The following MRPS9 variants were observed in gnomAD, a reference collection of about 807,000 sequenced individuals.
The protein encoded by MRPS9 is mitochondrial ribosomal protein S9, also known as small ribosomal subunit protein uS9m.
MRPS9 carries 45 observed loss-of-function variants against 59.9 expected under a neutral mutation model. The ratio of observed to expected loss-of-function variants is 0.75; its 90% confidence interval spans 0.59 to 0.96. MRPS9 has a LOEUF of 0.96. MRPS9 is among the 40% of genes least tolerant of loss of function. The pLI is 0.00. For synonymous variants in MRPS9, 171 were observed against 166.8 expected, an observed-to-expected ratio of 1.03 and a Z score of -0.19; for missense variants, 473 against 481.1, an observed-to-expected ratio of 0.98 and a Z score of 0.16.
At position 105,093,169 on chromosome 2, in the gene MRPS9, C is replaced by T. The variant is rs183251533; in HGVS notation, c.821-361C>T. ...TCATACTATTTATATATTTCTAAAA[C>T]TTATGTTGTTAGATATATTCTTACT... is the stretch of plus-strand genomic sequence containing the variant. On this transcript the variant is annotated intron_variant, in intron 8 of 10. Coordinates refer to ENST00000258455, the MANE Select transcript of MRPS9 (RefSeq NM_182640.3). 9.2e-5 allele frequency among the ~76,000 whole-genome samples: 14 copies of T among 152,108 alleles called. No homozygotes were observed. The East Asian group carries it at 2.7e-3, about 29-fold the overall frequency.
At position 105,061,109 on chromosome 2, in the gene MRPS9, CAAAAAAAAA is replaced by C. The variant is rs751155585; in HGVS notation, c.316-10185_316-10177del. Among the ~76,000 whole-genome samples, 7 of 47,990 alleles carry C rather than the reference CAAAAAAAAA, an allele frequency of 1.5e-4. No homozygotes were observed. The South Asian group carries it at 3.2e-3, about 22-fold the overall frequency. The allele number at this position is 47,990 out of a possible 152,430, so 31.5% of individuals were successfully genotyped here. A position where few individuals can be genotyped will look rare whatever the true frequency, so the allele number is the denominator to read the frequency against. ...TGGGCGACAGAGCAGGACTCTGTCT[CAAAAAAAAA>C]AAAAAAAAAAAAAAAAAAGTTAAAT... On this transcript the variant is annotated intron_variant, in intron 2 of 10. Transcript: ENST00000258455.
intron 1 of MRPS9, among the ~76,000 whole-genome samples, chr2:105,048,364 AG>A (rs1679636994): frequency 1.3e-5 from 2 of 151,210 alleles, no homozygotes; most frequent in Non-Finnish European, 1.5e-5. Flanking sequence ...GGATGGGGGG[AG>A]GGGAGAGGGA....
chr2:105,088,200 G>C (rs1187972139), intron 5 of MRPS9, among the ~76,000 whole-genome samples: 1 of 151,912 alleles, frequency 6.6e-6, no homozygotes, highest in African/African-American at 2.4e-5. Context: ...GGTAGGTTAT[G>C]TGTAAATTAT....
intron 1 of MRPS9, among the ~76,000 whole-genome samples, chr2:105,043,840 G>A (rs1679544247): frequency 6.6e-6 from 1 of 151,366 alleles, no homozygotes; most frequent in Non-Finnish European, 1.5e-5. Context: ...TCACTTTGTT[G>A]GCCAGGCTGG....
intron 5 of MRPS9, among the ~76,000 whole-genome samples, chr2:105,083,866 A>G (rs1323271344): frequency 2.6e-5 from 4 of 152,174 alleles, no homozygotes. Flanking sequence ...TTCCTACTCC[A>G]AACCCCTTTT....
At position 105,039,784 on chromosome 2, in the gene MRPS9, A is replaced by C. The variant is rs1387875978; in HGVS notation, c.135+1557A>C. Among the ~76,000 whole-genome samples the C allele has an allele frequency of 2.6e-5, 4 of 152,244 alleles. No individual in the cohort carries two copies. In the East Asian group the frequency reaches 7.7e-4, roughly 29 times the overall value. On this transcript the variant is annotated intron_variant, in intron 1 of 10. Coordinates refer to ENST00000258455, the MANE Select transcript of MRPS9 (RefSeq NM_182640.3). ...ACTTTCTTTGCACTAATAAAGTTTC[A>C]GTAAACATCTGGTCTAGTTCTTAAG... is the stretch of plus-strand genomic sequence containing the variant.
intron 2 of MRPS9, 113 bp downstream of exon 2, chr2:105,049,463 GA>G (rs3832070): frequency 0.19 from 161,202 of 843,536 alleles, 16,761 homozygotes; most frequent in Middle Eastern, 0.28. Context: ...TCAGAATAAG[GA>G]AAAATGCTGC....
intron 5 of MRPS9, among the ~76,000 whole-genome samples, chr2:105,087,969 C>A (rs1165068338): frequency 6.6e-6 from 1 of 152,104 alleles, no homozygotes; most frequent in Non-Finnish European, 1.5e-5. Context: ...GGTAATATGG[C>A]AGTCTAATCA....
At chr2:105,038,871 G>A (rs912959807) in intron 1 of MRPS9, among the ~76,000 whole-genome samples, 4 of 152,174 alleles carry the variant, frequency 2.6e-5, no homozygotes, top group African/African-American at 9.7e-5. Context: ...AGTTTAGTAT[G>A]GGATTATGTT....
At chr2:105,085,906 G>A (rs192613467) in intron 5 of MRPS9, among the ~76,000 whole-genome samples, 3 of 152,276 alleles carry the variant, frequency 2.0e-5, no homozygotes, top group Admixed American at 6.5e-5. Context: ...CTGTGATGTT[G>A]ACAGTTCTTG....
chr2:105,059,229 C>T (rs1399211747), intron 2 of MRPS9, among the ~76,000 whole-genome samples: 2 of 152,168 alleles, frequency 1.3e-5, no homozygotes, highest in Non-Finnish European at 2.9e-5. Context: ...TAAGCTACCA[C>T]TTATTTTGGG....
At chr2:105,067,997 T>A (rs979657367) in intron 2 of MRPS9, among the ~76,000 whole-genome samples, 1 of 148,188 alleles carries the variant, frequency 6.7e-6, no homozygotes, top group African/African-American at 2.7e-5. Flanking sequence ...TTCTTAAAAA[T>A]TTTTTTTGTA....
intron 4 of MRPS9, among the ~76,000 whole-genome samples, chr2:105,075,469 G>A (rs1299834307): frequency 6.6e-6 from 1 of 152,224 alleles, no homozygotes; most frequent in Non-Finnish European, 1.5e-5. Flanking sequence ...GGCCTAGAAG[G>A]TTTTGTCGGG....
At chr2:105,083,486 A>C (rs1012637276) in intron 5 of MRPS9, among the ~76,000 whole-genome samples, 10 of 152,248 alleles carry the variant, frequency 6.6e-5, no homozygotes, top group African/African-American at 2.4e-4. Flanking sequence ...TTAAGAAAAA[A>C]ACATTTACCA....
At position 105,077,998 on chromosome 2, in the gene MRPS9, A is replaced by G. The variant is rs1264932575; in HGVS notation, c.410-1985A>G. 2.0e-5 allele frequency among the ~76,000 whole-genome samples: 3 copies of G among 152,128 alleles called. No homozygotes were observed. In the East Asian group the frequency reaches 5.8e-4, roughly 29 times the overall value. On this transcript the variant is annotated intron_variant, in intron 4 of 10. Coordinates refer to ENST00000258455, the MANE Select transcript of MRPS9 (RefSeq NM_182640.3). ...GTGGGAAAAAAAATTGTTTTAAGTA[A>G]TGAAGTAAGCTCATCATACCTGGTA...
intron 5 of MRPS9, among the ~76,000 whole-genome samples, chr2:105,084,117 A>G (rs953994573): frequency 1.4e-4 from 22 of 152,120 alleles, no homozygotes; most frequent in African/African-American, 5.3e-4. Context: ...TAAACACTGC[A>G]CTAGGTTTTA....
At chr2:105,073,563 A>G (rs1289346835) in intron 4 of MRPS9, among the ~76,000 whole-genome samples, 1 of 152,188 alleles carries the variant, frequency 6.6e-6, no homozygotes, top group African/African-American at 2.4e-5. Context: ...TTTGACACTT[A>G]TAGTGTACTA....
chr2:105,079,973 T>C lies in MRPS9; in HGVS notation c.410-10T>C, dbSNP rs781093448. 1.9e-6 allele frequency: 3 copies of C among 1,608,342 alleles called. No individual in the cohort carries two copies. In the South Asian group the frequency reaches 3.3e-5, roughly 18 times the overall value. On this transcript the variant is annotated splice_polypyrimidine_tract_variant and intron_variant, in intron 4 of 10. Coordinates refer to ENST00000258455, the MANE Select transcript of MRPS9 (RefSeq NM_182640.3). ...TTTTTATTTGCTTTCATCTGGCTTT[T>C]TTAAATCAGCAATCCAGTGGGGAGA...
intron 2 of MRPS9, among the ~76,000 whole-genome samples, chr2:105,068,068 C>A (rs935422788): frequency 6.6e-6 from 1 of 152,102 alleles, no homozygotes; most frequent in East Asian, 1.9e-4. Flanking sequence ...TCATTTTGTG[C>A]TTTGTCTGCC....
Sources: allele counts gnomAD v4.1 joint callset (sites outside exome capture counted in the v4.1 genomes callset), GRCh38; gene constraint gnomAD v4.1.1; transcripts MANE v1.5; gene names NCBI Gene and HGNC (gene_info 2026-07-23, HGNC 2026-07-21).